Variants in LCORL observed in about 807,000 individuals in gnomAD.
LCORL encodes ligand-dependent nuclear receptor corepressor-like protein.
A neutral mutation model predicts 141.8 loss-of-function variants in LCORL; 41 were observed. That is an observed-to-expected ratio of 0.29 (90% CI 0.23 to 0.38). The LOEUF (loss-of-function observed/expected upper bound fraction) is 0.38, where lower values mean the gene tolerates loss of function less well. Ranked by LOEUF, LCORL falls within the 10% of genes least tolerant of loss-of-function variation. The probability of loss-of-function intolerance (pLI) is 1.00; values close to 1 mark genes in which losing one functional copy is unlikely to be tolerated. For missense variants in LCORL, 1,759 were observed against 2,035.0 expected (o/e 0.86, Z 2.61); for synonymous variants, 618 against 694.1 (o/e 0.89, Z 1.72).
intron 7 of LCORL, among the ~76,000 whole-genome samples, chr4:17,864,119 A>AATAAAG (rs1725335082): frequency 6.6e-6 from 1 of 152,168 alleles, no homozygotes; most frequent in Non-Finnish European, 1.5e-5. Context: ...TGTACCCCTG[A>AATAAAG]ACCAAAAATA....
chr4:17,898,652 G>GTTTTTTT (rs34770223), intron 5 of LCORL, among the ~76,000 whole-genome samples: 2,114 of 119,048 alleles, frequency 0.018, 19 homozygotes, highest in South Asian at 0.021. Flanking sequence ...CATTCTCACC[G>GTTTTTTT]TTTTTTTTTT....
At chr4:17,878,207 A>G in exon 7 of LCORL, 1 of 1,229,142 alleles carries the variant, frequency 8.1e-7, no homozygotes. Flanking sequence ...TTGCATCAAC[A>G]GTTGAACTAA....
chr4:17,926,310 T>G (rs1045494801), intron 4 of LCORL, among the ~76,000 whole-genome samples: 18 of 152,214 alleles, frequency 1.2e-4, no homozygotes, highest in African/African-American at 4.3e-4. Flanking sequence ...ACCCTCAATC[T>G]TGGTGGGCAC....
At chr4:17,872,441 A>C (rs1034736571) in intron 7 of LCORL, among the ~76,000 whole-genome samples, 1 of 152,150 alleles carries the variant, frequency 6.6e-6, no homozygotes, top group South Asian at 2.1e-4. Context: ...ACAACAACAA[A>C]AAAACACAAA....
chr4:17,898,232 T>C (rs1730292207), intron 5 of LCORL, among the ~76,000 whole-genome samples: 1 of 152,208 alleles, frequency 6.6e-6, no homozygotes, highest in South Asian at 2.1e-4. Flanking sequence ...GCCCTTGGAA[T>C]GTATTTCACT....
chr4:17,980,262 G>T lies in LCORL; in HGVS notation c.155-7377C>A, dbSNP rs180801416. The stretch of plus-strand genomic sequence containing the variant: ...GACTCAGGGTACAGATCTACTAGAG[G>T]GCTGGTCTGTGGCAAATTCAATATT... On this transcript the variant is annotated intron_variant, in intron 1 of 7. Coordinates refer to ENST00000635767, the Ensembl canonical transcript of LCORL. 5.7e-4 allele frequency among the ~76,000 whole-genome samples: 87 copies of T among 152,266 alleles called. 1 individual carries two copies. In the East Asian group the frequency reaches 0.016, roughly 27 times the overall value.
intron 5 of LCORL, among the ~76,000 whole-genome samples, chr4:17,903,521 A>G (rs929644944): frequency 6.6e-6 from 1 of 152,088 alleles, no homozygotes; most frequent in African/African-American, 2.4e-5. Context: ...TTGACACACT[A>G]ATGTTATTTA....
chr4:17,993,257 T>G (rs1028679167), intron 1 of LCORL, among the ~76,000 whole-genome samples: 1 of 152,290 alleles, frequency 6.6e-6, no homozygotes, highest in Admixed American at 6.5e-5. Flanking sequence ...CAGGCTGGAG[T>G]GCAGTGGCAT....
chr4:17,976,754 T>C (rs1717069577), intron 1 of LCORL, among the ~76,000 whole-genome samples: 2 of 152,198 alleles, frequency 1.3e-5, no homozygotes, highest in Non-Finnish European at 2.9e-5. Context: ...AAGTTGTAGG[T>C]TGACAGTTTT....
chr4:17,862,408 C>T (rs922946640), intron 7 of LCORL, among the ~76,000 whole-genome samples: 3 of 152,158 alleles, frequency 2.0e-5, no homozygotes, highest in African/African-American at 7.2e-5. Context: ...ATTCAGTTAC[C>T]TCCCACCAGG....
chr4:18,008,533 G>A (rs1723169286), intron 1 of LCORL, among the ~76,000 whole-genome samples: 1 of 152,192 alleles, frequency 6.6e-6, no homozygotes, highest in Non-Finnish European at 1.5e-5. Flanking sequence ...GGTTAAGACT[G>A]GATGTGAATT....
intron 4 of LCORL, among the ~76,000 whole-genome samples, chr4:17,949,060 C>A (rs1013387225): frequency 1.3e-5 from 2 of 152,034 alleles, no homozygotes; most frequent in African/African-American, 4.8e-5. Flanking sequence ...TTTTAGTACC[C>A]TAATTCCCCC....
intron 4 of LCORL, chr4:17,911,736 G>T (rs543992732): frequency 4.2e-6 from 2 of 472,822 alleles, no homozygotes; most frequent in Non-Finnish European, 8.3e-6. Context: ...CCGTCCAAGC[G>T]CCCAGCTATG....
Position 17,843,295 on chromosome 4 carries a change from T to A in LCORL, c.*2593A>T, listed in dbSNP as rs766362799. The A allele has an allele frequency of 3.1e-6, 5 of 1,609,006 alleles. No individual in the cohort carries two copies. In the African/African-American group the frequency reaches 6.7e-5, roughly 22 times the overall value. The stretch of plus-strand genomic sequence containing the variant: ...TCTAAATTCGTGTATTTTCAACATC[T>A]ATTTAGTGATCATGAAGTTCCAGAA... On this transcript the variant is annotated 3_prime_UTR_variant, in exon 8 of 8. Coordinates refer to ENST00000635767, the Ensembl canonical transcript of LCORL.
intron 1 of LCORL, among the ~76,000 whole-genome samples, chr4:17,993,267 T>C (rs1228039917): frequency 6.6e-6 from 1 of 152,184 alleles, no homozygotes; most frequent in Non-Finnish European, 1.5e-5. Flanking sequence ...TGCAGTGGCA[T>C]AACCTAGGCT....
intron 1 of LCORL, among the ~76,000 whole-genome samples, chr4:18,012,629 G>A (rs1723980567): frequency 6.6e-6 from 1 of 151,946 alleles, no homozygotes. Context: ...ATGCACCAAT[G>A]TTACACATAC....
chr4:18,010,068 C>A (rs1277436791), intron 1 of LCORL, among the ~76,000 whole-genome samples: 2 of 152,144 alleles, frequency 1.3e-5, no homozygotes, highest in Non-Finnish European at 2.9e-5. Flanking sequence ...TGTGTAAGCA[C>A]CTATAATCAG....
chr4:17,962,095 T>C, intron 3 of LCORL, 63 bp from the exon 4 acceptor site: 1 of 1,230,924 alleles, frequency 8.1e-7, no homozygotes, highest in Non-Finnish European at 1.1e-6. Context: ...GGAATTCCAT[T>C]AAAAATGACA....
At chr4:17,842,287 T>C in exon 8 of LCORL, 1 of 1,603,882 alleles carries the variant, frequency 6.2e-7, no homozygotes, top group Non-Finnish European at 8.5e-7. Flanking sequence ...TAAATCCTGA[T>C]AATGAATTAT....
Sources: gnomAD v4.1 joint callset for allele counts (sites outside exome capture counted in the v4.1 genomes callset) on GRCh38, gnomAD v4.1.1 for gene constraint, MANE v1.5 for transcripts, NCBI Gene and HGNC (gene_info 2026-07-23, HGNC 2026-07-21) for gene names.